Variants in GBF1 observed in about 807,000 individuals in gnomAD.
The protein encoded by GBF1 is golgi brefeldin A resistant guanine nucleotide exchange factor 1.
A neutral mutation model predicts 210.5 loss-of-function variants in GBF1; 114 were observed. The ratio of observed to expected loss-of-function variants is 0.54; its 90% CI spans 0.47 to 0.63. The LOEUF (loss-of-function observed/expected upper bound fraction) is 0.63. GBF1 is among the 30% of genes least tolerant of loss of function. The pLI is 0.00. For missense variants in GBF1, 1,851 were observed against 2,357.7 expected, an observed-to-expected ratio of 0.79 and a Z score of 4.45; for synonymous variants, 850 against 889.2, an observed-to-expected ratio of 0.96 and a Z score of 0.78.
intron 29 of GBF1, among the ~76,000 whole-genome samples, chr10:102,372,213 A>T (rs529231448): frequency 6.6e-6 from 1 of 151,210 alleles, no homozygotes; most frequent in Non-Finnish European, 1.5e-5. Flanking sequence ...TCCATCTCAA[A>T]AAAAAAAAAA....
At chr10:102,346,299 T>G (rs2058568755) in intron 4 of GBF1, among the ~76,000 whole-genome samples, 1 of 152,092 alleles carries the variant, frequency 6.6e-6, no homozygotes, top group South Asian at 2.1e-4. Context: ...CTAATTTTAC[T>G]CTTGTATGAA....
At chr10:102,231,191 C>T in the GBF1 span, 3 of 1,270,714 alleles carry the variant, frequency 2.4e-6, no homozygotes, top group Non-Finnish European at 3.1e-6. Context: ...CCAGCCGGGG[C>T]CCTGCGGTCA....
At chr10:102,337,755 G>A (rs1007834994) in intron 3 of GBF1, among the ~76,000 whole-genome samples, 2 of 152,090 alleles carry the variant, frequency 1.3e-5, no homozygotes, top group Non-Finnish European at 2.9e-5. Context: ...TACCTGGGAG[G>A]CTGAGGCAGG....
chr10:102,237,888 C>T, the GBF1 span, among the ~76,000 whole-genome samples: 99,499 of 151,082 alleles, frequency 0.66, 33,146 homozygotes, highest in African/African-American at 0.76. Context: ...TCCTCCCCCG[C>T]CCACCCCACT....
chr10:102,337,671 A>G (rs1444880317), intron 3 of GBF1, among the ~76,000 whole-genome samples: 3 of 152,064 alleles, frequency 2.0e-5, no homozygotes, highest in Non-Finnish European at 4.4e-5. Context: ...AGCCTGGCCA[A>G]CATGAAGAAA....
chr10:102,329,711 C>T (rs1411881737), intron 3 of GBF1, among the ~76,000 whole-genome samples: 18 of 152,164 alleles, frequency 1.2e-4, no homozygotes, highest in Admixed American at 1.2e-3. Context: ...GATCCACCTG[C>T]CTCGGCCTCC....
chr10:102,362,762 G>A, intron 15 of GBF1, 98 bp downstream of exon 15: 1 of 856,728 alleles, frequency 1.2e-6, no homozygotes, highest in Non-Finnish European at 1.9e-6. Flanking sequence ...ACTTCCCCTG[G>A]GATGCTCCCA....
chr10:102,271,182 C>T (rs959597336), intron 3 of GBF1, among the ~76,000 whole-genome samples: 35 of 151,958 alleles, frequency 2.3e-4, no homozygotes, highest in Non-Finnish European at 4.3e-4. Context: ...GGACTACAGG[C>T]GCCCGCCACT....
chr10:102,298,268 G>A (rs988984935), intron 3 of GBF1, among the ~76,000 whole-genome samples: 26 of 152,098 alleles, frequency 1.7e-4, no homozygotes, highest in African/African-American at 5.6e-4. Flanking sequence ...TCTAGATGTC[G>A]ACTAGTAAAG....
intron 3 of GBF1, among the ~76,000 whole-genome samples, chr10:102,321,825 G>A (rs1203729504): frequency 1.3e-5 from 2 of 152,064 alleles, no homozygotes; most frequent in African/African-American, 2.4e-5. Context: ...GCCTCCCAAA[G>A]TGCCAGGATT....
chr10:102,377,578 C>T (rs931270729), intron 33 of GBF1, among the ~76,000 whole-genome samples: 20 of 152,084 alleles, frequency 1.3e-4, no homozygotes, highest in African/African-American at 4.3e-4. Flanking sequence ...TGGCCTTGAT[C>T]TCCTGACCTC....
intron 11 of GBF1, among the ~76,000 whole-genome samples, chr10:102,359,800 G>A (rs995916904): frequency 4.8e-5 from 6 of 125,460 alleles, no homozygotes; most frequent in East Asian, 4.3e-4. Flanking sequence ...TTTTCCTGTC[G>A]CCCAGGCTGG....
Position 102,368,282 on chromosome 10 carries a change from G to A in GBF1, c.2707G>A (p.Val903Met), listed in dbSNP as rs759956553. The change falls in exon 22 of 40, where the codon GTG becomes ATG. Residue 903 changes from valine (V) to methionine (M), a missense_variant. Val to Met is a conservative substitution (Grantham distance 21, BLOSUM62 1). Transcript: ENST00000369983. Reference protein sequence around the residue: ...GLVRENYVWNVLLHRGATPEG... With the variant: ...GLVRENYVWNMLLHRGATPEG... ...GGTTCGGGAGAACTATGTGTGGAAT[G>A]TGCTGCTTCATCGAGGTGCCACCCC... The A allele has an allele frequency of 1.1e-5, 18 of 1,614,058 alleles. No homozygotes were observed. The highest frequency in any genetic ancestry group is 1.6e-4 in the Middle Eastern group (1 of 6,064).
intron 3 of GBF1, among the ~76,000 whole-genome samples, chr10:102,260,481 T>TC (rs2073067757): frequency 2.4e-5 from 3 of 126,702 alleles, no homozygotes; most frequent in Admixed American, 7.8e-5. Context: ...TTCTTCTTTT[T>TC]TTTTTTTTTT....
intron 3 of GBF1, among the ~76,000 whole-genome samples, chr10:102,298,807 A>G (rs2077110546): frequency 6.6e-6 from 1 of 152,236 alleles, no homozygotes; most frequent in South Asian, 2.1e-4. Flanking sequence ...TTCACTGATT[A>G]TACCTCCTAC....
intron 12 of GBF1, 72 bp from the exon 13 acceptor site, chr10:102,360,950 G>C: frequency 1.3e-6 from 1 of 795,324 alleles, no homozygotes; most frequent in Middle Eastern, 2.3e-4. Context: ...ACTCCAGCGT[G>C]GGCAACAGAG....
chr10:102,251,579 A>C (rs760974393), intron 1 of GBF1, among the ~76,000 whole-genome samples: 12 of 152,116 alleles, frequency 7.9e-5, no homozygotes, highest in Non-Finnish European at 1.3e-4. Flanking sequence ...TTTGAGGCAG[A>C]GTCTCACTCT....
At chr10:102,273,455 G>A (rs564295902) in intron 3 of GBF1, among the ~76,000 whole-genome samples, 5 of 152,332 alleles carry the variant, frequency 3.3e-5, no homozygotes, top group African/African-American at 7.2e-5. Context: ...GGGTTGTAGC[G>A]TAAGCTGTAT....
At chr10:102,344,848 A>G (rs1335364367) in intron 4 of GBF1, among the ~76,000 whole-genome samples, 1 of 152,206 alleles carries the variant, frequency 6.6e-6, no homozygotes, top group Non-Finnish European at 1.5e-5. Flanking sequence ...GACAGACAAT[A>G]GAGATGTTCA....
Sources: gnomAD v4.1 joint callset for allele counts (sites outside exome capture counted in the v4.1 genomes callset) on GRCh38, gnomAD v4.1.1 for gene constraint, MANE v1.5 for transcripts, NCBI Gene and HGNC (gene_info 2026-07-23, HGNC 2026-07-21) for gene names.